The following GON4L variants were observed in gnomAD, a reference collection of about 807,000 sequenced individuals.
The protein encoded by GON4L is gon-4 like, also known as GON-4-like protein.
In GON4L, 87 loss-of-function variants were observed where a neutral mutation model predicts 211.8. That is an observed-to-expected ratio of 0.41 (90% CI 0.35 to 0.49). The LOEUF is 0.49. GON4L is among the 20% of genes least tolerant of loss of function. The pLI, the probability that GON4L is intolerant of heterozygous loss-of-function variation, is 0.15. For synonymous variants in GON4L, 875 were observed against 962.6 expected, an observed-to-expected ratio of 0.91 and a Z score of 1.68; for missense variants, 2,155 against 2,659.5, an observed-to-expected ratio of 0.81 and a Z score of 4.17.
chr1:155,745,950 G>T (rs1299200023), downstream of GON4L: 47 of 748,584 alleles, frequency 6.3e-5, no homozygotes, highest in Admixed American at 9.6e-4. Context: ...GGAGCCCTTC[G>T]GGATCTACAG....
chr1:155,841,526 T>C (rs1177153485), intron 2 of GON4L, among the ~76,000 whole-genome samples: 5 of 152,210 alleles, frequency 3.3e-5, no homozygotes, highest in Non-Finnish European at 7.3e-5. Context: ...TTTTGGCTCT[T>C]ATATTGCTTA....
At chr1:155,804,862 C>G in intron 11 of GON4L, 87 bp downstream of exon 11, 1 of 891,666 alleles carries the variant, frequency 1.1e-6, no homozygotes, top group Non-Finnish European at 1.9e-6. Context: ...TTAACCCAAA[C>G]CATTCCATTC....
chr1:155,832,370 A>G (rs1669879329), intron 2 of GON4L, among the ~76,000 whole-genome samples: 2 of 151,932 alleles, frequency 1.3e-5, no homozygotes, highest in Non-Finnish European at 2.9e-5. Context: ...CGCCTAGCGC[A>G]GTGGCTCACA....
At chr1:155,816,877 A>C (rs572096816) in intron 6 of GON4L, among the ~76,000 whole-genome samples, 59 of 151,756 alleles carry the variant, frequency 3.9e-4, no homozygotes, top group African/African-American at 1.3e-3. Flanking sequence ...CAACACAGAG[A>C]GATATAAAGC....
chr1:155,745,525 G>C (rs192285700), downstream of GON4L, among the ~76,000 whole-genome samples: 3 of 152,226 alleles, frequency 2.0e-5, no homozygotes, highest in Admixed American at 6.5e-5. Flanking sequence ...AGCCTTCCGC[G>C]GCCCGCGCCC....
rs768620178 is a variant in GON4L, at chr1:155,777,606, C to A, written c.2091+16G>T. On this transcript the variant is annotated intron_variant, in intron 15 of 31. Transcript: ENST00000368331. The stretch of plus-strand genomic sequence containing the variant: ...AAAAAAAAATCCAATGTTAACATGA[C>A]CAAGAAAAGTCCTACCTGCTGCATC... 2.5e-6 allele frequency: 4 copies of A among 1,597,846 alleles called. No homozygotes were observed. In the South Asian group the frequency reaches 3.3e-5, roughly 13 times the overall value.
chr1:155,764,186 G>A (rs529662497), intron 21 of GON4L, among the ~76,000 whole-genome samples: 70 of 151,994 alleles, frequency 4.6e-4, no homozygotes, highest in African/African-American at 1.6e-3. Context: ...TGGTGCAATC[G>A]TGGCTCACCG....
In GON4L at chr1:155,784,058, T is replaced by C. The variant is rs1664681727; in HGVS notation, c.1820A>G (p.Glu607Gly). 1 of 1,614,124 alleles carries C rather than the reference T, an allele frequency of 6.2e-7. No homozygotes were observed. ...CTCCTCCTCTTCTGGGCCATCATCT[T>C]CCATGTTGGAGAATCCCATCTCATC... The part of the protein sequence containing the change: ...FQDEMGFSNM[E>G]DDGPEEEECV... Residue 607 changes from glutamate to glycine, a missense_variant, in exon 14 of 32, where the codon GAA becomes GGA. Glu to Gly is a moderately conservative substitution (Grantham distance 98). Transcript: ENST00000368331.
chr1:155,752,074 C>T lies in GON4L; in HGVS notation c.6359G>A (p.Gly2120Glu). The change falls in exon 30 of 32, where the codon GGA (glycine) becomes GAA (glutamate). Residue 2120 changes from glycine to glutamate, a missense_variant. Transcript: ENST00000368331. Reference protein sequence around the residue: ...APRGGLAKDSGTQAKGPEGEQ... With the variant: ...APRGGLAKDSETQAKGPEGEQ... Reference sequence around the variant, plus strand: ...CCCCTCTGGACCCTTGGCCTGTGTTCCACTGTCTTTAGCCAAACCCCCTCT... The same window carrying T: ...CCCCTCTGGACCCTTGGCCTGTGTTTCACTGTCTTTAGCCAAACCCCCTCT... 3 of 1,613,778 alleles carry T rather than the reference C, an allele frequency of 1.9e-6. No homozygotes were observed. In the South Asian group the frequency reaches 3.3e-5, roughly 18 times the overall value.
intron 18 of GON4L, among the ~76,000 whole-genome samples, chr1:155,771,519 T>C (rs775772365): frequency 6.6e-6 from 1 of 152,016 alleles, no homozygotes; most frequent in Non-Finnish European, 1.5e-5. Flanking sequence ...TTGCCCGGGT[T>C]GGAGAGCGGG....
chr1:155,794,356 G>T (rs1665886537), intron 12 of GON4L, among the ~76,000 whole-genome samples: 1 of 152,198 alleles, frequency 6.6e-6, no homozygotes, highest in African/African-American at 2.4e-5. Flanking sequence ...ACAGGCGTGA[G>T]CCACCATGCC....
chr1:155,753,697 T>G (rs148076371), intron 28 of GON4L, among the ~76,000 whole-genome samples: 1 of 151,966 alleles, frequency 6.6e-6, no homozygotes, highest in African/African-American at 2.4e-5. Flanking sequence ...AAAGAAAAGA[T>G]AGACAGAGAC....
rs118038730 is a variant in GON4L, at chr1:155,856,353, G to A, written c.-27+794C>T. Among the ~76,000 whole-genome samples, 794 of 151,818 alleles carry A rather than the reference G, an allele frequency of 5.2e-3. 1 individual carries two copies. The highest frequency in any genetic ancestry group is 0.021 in the East Asian group (107 of 5,172). On this transcript the variant is annotated intron_variant, in intron 1 of 31. Coordinates refer to ENST00000368331, the MANE Select transcript of GON4L (RefSeq NM_001282860.2). ...AGTGACCCTCTGGCCTCGGCCTCCC[G>A]AGTAGCTAGGACTACAAGGCACTTG...
At chr1:155,838,898 G>A (rs1334852073) in intron 2 of GON4L, among the ~76,000 whole-genome samples, 1 of 151,732 alleles carries the variant, frequency 6.6e-6, no homozygotes, top group Non-Finnish European at 1.5e-5. Context: ...CTTATTGGAT[G>A]CCTGGGTCAT....
At chr1:155,763,776 G>A (rs1393821896) in intron 21 of GON4L, among the ~76,000 whole-genome samples, 1 of 152,164 alleles carries the variant, frequency 6.6e-6, no homozygotes, top group Non-Finnish European at 1.5e-5. Context: ...GCCGAGGTGG[G>A]TGGATCACTT....
At chr1:155,754,903 CTTTTTTT>C (rs112004109) in intron 27 of GON4L, among the ~76,000 whole-genome samples, 1 of 104,560 alleles carries the variant, frequency 9.6e-6, no homozygotes, top group African/African-American at 3.7e-5. Flanking sequence ...TCTCCCCATG[CTTTTTTT>C]TTTTTTTTTT....
At position 155,805,142 on chromosome 1, in the gene GON4L, C is replaced by A; in HGVS notation, c.1453-1G>T. On this transcript the variant is annotated splice_acceptor_variant, in intron 10 of 31. Transcript: ENST00000368331. LOFTEE classifies it high-confidence loss of function. ...ATGCAATGAGACTGTCATCCATGGG[C>A]TGGACAATGGAGAAAGAAAAGTCAC... 1.2e-6 allele frequency: 2 copies of A among 1,609,674 alleles called. No individual in the cohort carries two copies. Among genetic ancestry groups the A allele is most frequent in the Non-Finnish European group, 1.7e-6 (2 of 1,175,984 alleles).
chr1:155,776,290 G>A (rs920449883), intron 16 of GON4L, 105 bp downstream of exon 16: 16 of 890,404 alleles, frequency 1.8e-5, no homozygotes, highest in African/African-American at 9.9e-5. Flanking sequence ...AAAAATACCC[G>A]AGAGAAGAAT....
At position 155,795,090 on chromosome 1, in the gene GON4L, G is replaced by A; in HGVS notation, c.1707C>T (p.Asp569=). ...YNFLEDLDEP[D]TEDFRTDRAV... is the part of the protein sequence containing the mutation. ...CCCGGTCAGTCCGGAAATCCTCTGTGTCTGGTTCATCGAGGTCTTCCAGGA... is the reference window on the plus strand; with the variant it reads ...CCCGGTCAGTCCGGAAATCCTCTGTATCTGGTTCATCGAGGTCTTCCAGGA... The change falls in exon 12 of 32, where the codon GAC becomes GAT. Residue 569 remains aspartate (D), a synonymous_variant. Coordinates refer to ENST00000368331, the MANE Select transcript of GON4L (RefSeq NM_001282860.2). The A allele has an allele frequency of 6.2e-7, 1 of 1,609,874 alleles. No homozygotes were observed. Among genetic ancestry groups the A allele is most frequent in the Non-Finnish European group, 8.5e-7 (1 of 1,176,168 alleles).
Sources: allele counts gnomAD v4.1 joint callset (sites outside exome capture counted in the v4.1 genomes callset), GRCh38; gene constraint gnomAD v4.1.1; transcripts MANE v1.5; gene names NCBI Gene and HGNC (gene_info 2026-07-23, HGNC 2026-07-21).